The following KMO variants were observed in gnomAD, a reference collection of about 807,000 sequenced individuals.
The protein encoded by KMO is kynurenine 3-monooxygenase.
Under a neutral mutation model 57.8 loss-of-function variants are expected in KMO, and 24 were observed. That is an observed-to-expected ratio of 0.42 (90% CI 0.30 to 0.58). KMO has a LOEUF of 0.58. KMO is among the 20% of genes least tolerant of loss of function. KMO has a pLI of 0.22. For synonymous variants in KMO, 210 were observed against 193.6 expected, an observed-to-expected ratio of 1.08 and a Z score of -0.70; for missense variants, 483 against 588.2, an observed-to-expected ratio of 0.82 and a Z score of 1.85.
intron 10 of KMO, among the ~76,000 whole-genome samples, chr1:241,578,350 G>T (rs530889802): frequency 6.6e-6 from 1 of 152,224 alleles, no homozygotes; most frequent in East Asian, 1.9e-4. Flanking sequence ...GAAAGATGTG[G>T]GACTCAAGTC....
In KMO at chr1:241,548,851, T is replaced by C; in HGVS notation, c.77T>C (p.Phe26Ser). The C allele has an allele frequency of 6.2e-7, 1 of 1,603,620 alleles. No individual in the cohort carries two copies. Among genetic ancestry groups the C allele is most frequent in the Non-Finnish European group, 8.5e-7 (1 of 1,170,972 alleles). The change falls in exon 2 of 15, where the codon TTT (phenylalanine) becomes TCT (serine). Residue 26 changes from phenylalanine to serine, a missense_variant. By Grantham distance (155) the Phe-to-Ser change is radical (BLOSUM62 -2). Transcript: ENST00000366559. The part of the protein sequence containing the change: ...GGLVGSLQAC[F>S]LAKRNFQIDV... ...TAGGTTGGCTCATTACAAGCATGCT[T>C]TCTTGCAAAGAGGAATTTCCAGATT... is the stretch of plus-strand genomic sequence containing the variant.
chr1:241,589,308 C>T (rs1357983318), intron 12 of KMO, among the ~76,000 whole-genome samples: 12 of 151,510 alleles, frequency 7.9e-5, no homozygotes. Context: ...AAGATTAGTA[C>T]TTTGAAAAAA....
intron 4 of KMO, among the ~76,000 whole-genome samples, chr1:241,553,000 A>C (rs1661469297): frequency 6.6e-6 from 1 of 152,216 alleles, no homozygotes; most frequent in Non-Finnish European, 1.5e-5. Flanking sequence ...AGTAGAAAAC[A>C]TTCTCATTTG....
intron 10 of KMO, among the ~76,000 whole-genome samples, chr1:241,578,327 C>T (rs1662609020): frequency 6.6e-6 from 1 of 152,180 alleles, no homozygotes; most frequent in South Asian, 2.1e-4. Context: ...ATGAAATAAA[C>T]TTCCCACCAG....
intron 5 of KMO, among the ~76,000 whole-genome samples, chr1:241,559,032 G>A (rs886601130): frequency 2.6e-5 from 4 of 151,702 alleles, no homozygotes; most frequent in African/African-American, 9.7e-5. Flanking sequence ...TCCTGGAGGC[G>A]GAGGCTGCAG....
intron 5 of KMO, among the ~76,000 whole-genome samples, chr1:241,557,299 G>T (rs905351602): frequency 6.6e-6 from 1 of 152,154 alleles, no homozygotes; most frequent in African/African-American, 2.4e-5. Context: ...CCTCCCTTCA[G>T]CATTTGCATT....
intron 10 of KMO, among the ~76,000 whole-genome samples, chr1:241,573,180 T>A (rs1304199302): frequency 6.6e-6 from 1 of 152,100 alleles, no homozygotes; most frequent in Non-Finnish European, 1.5e-5. Flanking sequence ...TGTAGAGACG[T>A]TTTGCCCTGT....
In KMO at chr1:241,591,937, T is replaced by A; in HGVS notation, c.1261-16T>A. On this transcript the variant is annotated splice_polypyrimidine_tract_variant and intron_variant, in intron 14 of 14. Transcript: ENST00000366559. ...ATCTCTGGACAAATGAAATGAGAGT[T>A]CTTGCTGTCTTACAGGTGATAAACA... 1 of 1,604,608 alleles carries A rather than the reference T, an allele frequency of 6.2e-7. No individual in the cohort carries two copies.
intron 10 of KMO, among the ~76,000 whole-genome samples, chr1:241,582,466 C>T (rs1662788840): frequency 6.6e-6 from 1 of 152,010 alleles, no homozygotes; most frequent in Non-Finnish European, 1.5e-5. Flanking sequence ...CTTTTTTATT[C>T]TTATTGTTTC....
chr1:241,558,653 G>A (rs553321185), intron 5 of KMO, among the ~76,000 whole-genome samples: 1 of 152,048 alleles, frequency 6.6e-6, no homozygotes, highest in African/African-American at 2.4e-5. Flanking sequence ...TTTTCTTATA[G>A]TACTTCTCAG....
chr1:241,565,584 C>T (rs1662044436), intron 8 of KMO, among the ~76,000 whole-genome samples: 1 of 147,460 alleles, frequency 6.8e-6, no homozygotes, highest in Non-Finnish European at 1.5e-5. Flanking sequence ...AAAAAAATGC[C>T]AGGCATGGTG....
rs1573947742 is a variant in KMO at position 241,594,892 on chromosome 1, A to G, written c.*2739A>G. Reference sequence around the variant, plus strand: ...CTTTTATTCATTCTAATTCTTATTAACCGGAATATGTAGGACCATTTCAAT... The same window carrying G: ...CTTTTATTCATTCTAATTCTTATTAGCCGGAATATGTAGGACCATTTCAAT... On this transcript the variant is annotated 3_prime_UTR_variant, in exon 15 of 15. Coordinates refer to ENST00000366559, the MANE Select transcript of KMO (RefSeq NM_003679.5). 3.1e-5 allele frequency: 18 copies of G among 586,368 alleles called. No homozygotes were observed. In the East Asian group the frequency reaches 5.2e-4, roughly 17 times the overall value. 36.3% of individuals were successfully genotyped at this position (586,368 alleles called of 1,614,324 possible).
Position 241,551,150 on chromosome 1 carries a change from T to C in KMO, c.312+106T>C, listed in dbSNP as rs917148966. 25 of 701,372 alleles carry C rather than the reference T, an allele frequency of 3.6e-5. No homozygotes were observed. In the Admixed American group the frequency reaches 6.8e-4, roughly 19 times the overall value. 43.4% of individuals were successfully genotyped at this position (701,372 alleles called of 1,614,324 possible). ...CTCTCTCCAGCCCTATCTCTGACAT[T>C]GCTTGGCTCAGTCTAGACCCCAGGA... On this transcript the variant is annotated intron_variant, in intron 4 of 14. Transcript: ENST00000366559.
intron 1 of KMO, among the ~76,000 whole-genome samples, chr1:241,546,217 CTGCCCTCCTGAGCAAGGGG>C (rs1661142378): frequency 6.6e-6 from 1 of 152,112 alleles, no homozygotes; most frequent in Non-Finnish European, 1.5e-5. Flanking sequence ...TTATCAGAAC[CTGCCCTCCTGAGCAAGGGG>C]TGCGGGAGTG....
At chr1:241,562,705 G>A (rs965638263) in intron 7 of KMO, among the ~76,000 whole-genome samples, 13 of 152,120 alleles carry the variant, frequency 8.5e-5, no homozygotes, top group Non-Finnish European at 8.8e-5. Flanking sequence ...CCAGGGATGT[G>A]GCACACGCCT....
intron 10 of KMO, among the ~76,000 whole-genome samples, chr1:241,579,045 T>C (rs764652976): frequency 2.0e-5 from 3 of 152,112 alleles, no homozygotes; most frequent in Non-Finnish European, 2.9e-5. Context: ...CCACAACACA[T>C]GGGAATTATG....
At chr1:241,540,758 C>T (rs1483781566) in intron 1 of KMO, among the ~76,000 whole-genome samples, 1 of 152,086 alleles carries the variant, frequency 6.6e-6, no homozygotes, top group Non-Finnish European at 1.5e-5. Context: ...AATCATTCAA[C>T]ATCTTATTTA....
At chr1:241,554,584 T>C (rs1661538612) in intron 4 of KMO, among the ~76,000 whole-genome samples, 1 of 151,120 alleles carries the variant, frequency 6.6e-6, no homozygotes, top group Non-Finnish European at 1.5e-5. Flanking sequence ...ACTTTTTTCC[T>C]CCTGATTTAA....
At chr1:241,560,368 T>C (rs967332072) in intron 5 of KMO, among the ~76,000 whole-genome samples, 1 of 152,240 alleles carries the variant, frequency 6.6e-6, no homozygotes, top group African/African-American at 2.4e-5. Context: ...GATGCTTGCT[T>C]CTTTCCCAGG....
Sources: gnomAD v4.1 joint callset for allele counts (sites outside exome capture counted in the v4.1 genomes callset) on GRCh38, gnomAD v4.1.1 for gene constraint, MANE v1.5 for transcripts, NCBI Gene and HGNC (gene_info 2026-07-23, HGNC 2026-07-21) for gene names.